CACNA1B: variants seen among roughly 807,000 people sequenced by gnomAD.
CACNA1B encodes calcium voltage-gated channel subunit alpha1 B.
CACNA1B carries 70 observed loss-of-function variants against 247.2 expected under a neutral mutation model. That is an observed-to-expected ratio of 0.28 (90% CI 0.23 to 0.35). The LOEUF (loss-of-function observed/expected upper bound fraction) is 0.35, where lower values mean the gene tolerates loss of function less well. Ranked by LOEUF, CACNA1B falls within the 10% of genes least tolerant of loss-of-function variation. The pLI, the probability that CACNA1B is intolerant of heterozygous loss-of-function variation, is 1.00. For synonymous variants in CACNA1B, 1,231 were observed against 1,294.4 expected, an observed-to-expected ratio of 0.95 and a Z score of 1.05; for missense variants, 2,367 against 3,197.4, an observed-to-expected ratio of 0.74 and a Z score of 6.26.
At chr9:137,895,767 G>A (rs1486178075) in intron 3 of CACNA1B, among the ~76,000 whole-genome samples, 3 of 152,144 alleles carry the variant, frequency 2.0e-5, no homozygotes, top group South Asian at 2.1e-4. Flanking sequence ...TGACAAACAC[G>A]TCATCTGCAA....
At position 138,120,062 on chromosome 9, in the gene CACNA1B, G is replaced by A. The variant is rs542657830; in HGVS notation, c.6031-103G>A. On this transcript the variant is annotated intron_variant, in intron 44 of 46. Transcript: ENST00000371372. The stretch of plus-strand genomic sequence containing the variant: ...TGACTGTGAGACCAGGATGGGGGGC[G>A]TGTGGGCCTGCTGTCTGGCCTGCTC... 62 of 952,290 alleles carry A rather than the reference G, an allele frequency of 6.5e-5. 1 individual carries two copies. The highest frequency in any genetic ancestry group is 1.1e-4 in the East Asian group (4 of 37,526). The allele number at this position is 952,290 out of a possible 1,614,324, so 59.0% of individuals were successfully genotyped here. A position where few individuals can be genotyped will look rare whatever the true frequency, so the allele number is the denominator to read the frequency against.
In CACNA1B at chr9:138,051,544, C is replaced by G. The variant is rs920023555; in HGVS notation, c.3711-548C>G. 6.7e-6 allele frequency among the ~76,000 whole-genome samples: 1 copy of G among 149,892 alleles called. No homozygotes were observed. ...TTGCATTGCCTCTGTATTCGTCCGA[C>G]TTTTTCTCTTTCTTACTCTCCTTCC... On this transcript the variant is annotated intron_variant, in intron 24 of 46. Coordinates refer to ENST00000371372, the MANE Select transcript of CACNA1B (RefSeq NM_000718.4). The surrounding 1 kb of genome is among the most constrained non-coding windows in gnomAD (Gnocchi z 4.3).
chr9:137,895,001 T>C (rs1957157166), intron 3 of CACNA1B, among the ~76,000 whole-genome samples: 1 of 152,200 alleles, frequency 6.6e-6, no homozygotes, highest in Non-Finnish European at 1.5e-5. Context: ...AGTTTTGTTA[T>C]TTTACATTTT....
chr9:138,089,421 A>G (rs1960808108), intron 36 of CACNA1B, among the ~76,000 whole-genome samples: 1 of 152,208 alleles, frequency 6.6e-6, no homozygotes, highest in Admixed American at 6.5e-5. Context: ...GGACAAAAAC[A>G]ATATTATCAT....
rs1957538224 is a variant in CACNA1B, at chr9:137,925,443, A to G, written c.966+8012A>G. Among the ~76,000 whole-genome samples, 3 of 152,216 alleles carry G rather than the reference A, an allele frequency of 2.0e-5. No individual in the cohort carries two copies. The South Asian group carries it at 6.2e-4, about 32-fold the overall frequency. On this transcript the variant is annotated intron_variant, in intron 6 of 46. Transcript: ENST00000371372. ...GCCACGTTTTGGGTGTGGTGTTCTA[A>G]CACCTAGGCAGCAACCTTTGCTATG... is the stretch of plus-strand genomic sequence containing the variant.
At chr9:138,099,486 C>T (rs1052448231) in intron 37 of CACNA1B, among the ~76,000 whole-genome samples, 3 of 148,912 alleles carry the variant, frequency 2.0e-5, no homozygotes, top group African/African-American at 2.5e-5. Flanking sequence ...TGCACATGCC[C>T]GTGTGTGCCT....
At chr9:138,068,633 T>C (rs770838041) in intron 31 of CACNA1B, 3 of 518,698 alleles carry the variant, frequency 5.8e-6, no homozygotes. Context: ...ATTCATCAAA[T>C]ACAGTGATGG....
At chr9:138,093,558 TG>T (rs1960952769) in intron 36 of CACNA1B, among the ~76,000 whole-genome samples, 1 of 151,708 alleles carries the variant, frequency 6.6e-6, no homozygotes, top group Non-Finnish European at 1.5e-5. Flanking sequence ...CTGGCCAACA[TG>T]GTGAAATTCT....
chr9:137,917,297 G>A lies in CACNA1B; in HGVS notation c.832G>A (p.Glu278Lys), dbSNP rs201779125. 60 of 1,613,834 alleles carry A rather than the reference G, an allele frequency of 3.7e-5. 1 individual carries two copies. In the South Asian group the frequency reaches 4.0e-4, roughly 11 times the overall value. Residue 278 changes from glutamate (E) to lysine (K), a missense_variant, in exon 6 of 47, where the codon GAG (glutamate) becomes AAG (lysine). Coordinates refer to ENST00000371372, the MANE Select transcript of CACNA1B (RefSeq NM_000718.4). The surrounding 1 kb of genome is among the most constrained non-coding windows in gnomAD (Gnocchi z 5.5). The part of the protein sequence containing the change: ...CGKEAPARLC[E>K]GDTECREYWP... ...CAAGGAGGCCCCAGCCCGGCTGTGC[G>A]AGGGCGACACTGAGTGCCGGGAGTA...
intron 6 of CACNA1B, among the ~76,000 whole-genome samples, chr9:137,920,015 C>G (rs181021282): frequency 5.9e-5 from 9 of 152,080 alleles, no homozygotes; most frequent in African/African-American, 2.2e-4. Flanking sequence ...CAGCACCGCA[C>G]GAGGAATAAC....
intron 31 of CACNA1B, among the ~76,000 whole-genome samples, chr9:138,062,833 G>A (rs905256165): frequency 1.3e-5 from 2 of 152,326 alleles, no homozygotes; most frequent in Admixed American, 6.5e-5. Flanking sequence ...CCTCACTTGT[G>A]CTCTGAAACC....
At chr9:137,893,158 GT>G (rs1414326000) in intron 3 of CACNA1B, among the ~76,000 whole-genome samples, 3 of 152,034 alleles carry the variant, frequency 2.0e-5, no homozygotes, top group African/African-American at 7.2e-5. Context: ...TGAAGGCCCG[GT>G]GCACAGCTGC....
At chr9:137,949,249 G>GGGT (rs1957846636) in intron 6 of CACNA1B, among the ~76,000 whole-genome samples, 2 of 127,622 alleles carry the variant, frequency 1.6e-5, no homozygotes, top group South Asian at 2.6e-4. Flanking sequence ...GCATGTGTGT[G>GGGT]GTGTGTGGTG....
intron 32 of CACNA1B, among the ~76,000 whole-genome samples, chr9:138,070,804 C>G (rs888628272): frequency 1.3e-5 from 2 of 152,244 alleles, no homozygotes; most frequent in African/African-American, 4.8e-5. Context: ...CACATCCACA[C>G]CTGACATGTT....
intron 6 of CACNA1B, among the ~76,000 whole-genome samples, chr9:137,946,754 T>G (rs1299664835): frequency 6.6e-6 from 1 of 152,200 alleles, no homozygotes; most frequent in East Asian, 1.9e-4. Flanking sequence ...CTCTGTCAAG[T>G]GTCCTGAGTT....
chr9:137,886,783 G>A (rs1231248896), intron 3 of CACNA1B, among the ~76,000 whole-genome samples: 1 of 152,206 alleles, frequency 6.6e-6, no homozygotes, highest in Admixed American at 6.5e-5. Context: ...GCAGGTGGAC[G>A]GATGAGTGGA....
rs1332202275 is a variant in CACNA1B, at chr9:138,073,466, G to C, written c.4675-22G>C. 6.6e-7 allele frequency: 1 copy of C among 1,517,942 alleles called. No individual in the cohort carries two copies. Among genetic ancestry groups the C allele is most frequent in the South Asian group, 1.1e-5 (1 of 89,060 alleles). The allele number at this position is 1,517,942 out of a possible 1,614,324, so 94.0% of individuals were successfully genotyped here. On this transcript the variant is annotated intron_variant, in intron 32 of 46. Transcript: ENST00000371372. The surrounding 1 kb of genome is among the most constrained non-coding windows in gnomAD (Gnocchi z 6.4). ...GCTTTCGGGGCTTCTGAAGGTCAGA[G>C]AACAATTCCTCTTCTCTGCAGAACA...
chr9:138,120,908 G>A (rs751485515), intron 46 of CACNA1B, 27 bp downstream of exon 46: 28 of 1,540,100 alleles, frequency 1.8e-5, no homozygotes, highest in Non-Finnish European at 6.1e-6. Flanking sequence ...GAGAGGTCAG[G>A]GCCCAGCTGC....
intron 6 of CACNA1B, among the ~76,000 whole-genome samples, chr9:137,934,285 G>A (rs1170555757): frequency 6.6e-6 from 1 of 152,182 alleles, no homozygotes; most frequent in Non-Finnish European, 1.5e-5. Context: ...CCTAATCCTA[G>A]TACTTTGACC....
Sources: gnomAD v4.1 joint callset for allele counts (sites outside exome capture counted in the v4.1 genomes callset) on GRCh38, gnomAD v4.1.1 for gene constraint, Gnocchi (gnomAD v3.1) non-coding constraint, MANE v1.5 for transcripts, NCBI Gene and HGNC (gene_info 2026-07-23, HGNC 2026-07-21) for gene names.